MED12L: variants seen among roughly 807,000 people sequenced by gnomAD.
The protein encoded by MED12L is mediator of RNA polymerase II transcription subunit 12-like protein.
Under a neutral mutation model 281.3 loss-of-function variants are expected in MED12L, and 60 were observed. That is an observed-to-expected ratio of 0.21 (90% CI 0.17 to 0.26). The LOEUF is 0.26. MED12L is among the 10% of genes least tolerant of loss of function. The probability of loss-of-function intolerance (pLI) is 1.00; values close to 1 mark genes in which losing one functional copy is unlikely to be tolerated. For missense variants in MED12L, 2,146 were observed against 2,680.9 expected (o/e 0.80, Z 4.41); for synonymous variants, 974 against 987.2 (o/e 0.99, Z 0.25).
In MED12L at chr3:151,328,723, G is replaced by C. The variant is rs763699238; in HGVS notation, c.2251-21336G>C. The C allele has an allele frequency of 5.6e-6, 9 of 1,613,892 alleles. No individual in the cohort carries two copies. The South Asian group carries it at 9.9e-5, about 18-fold the overall frequency. ...AAGAAAAACGACACACAAAAGCTCT[G>C]AGCTGCCAGGGTGCCAGGTGTGAGT... is the stretch of plus-strand genomic sequence containing the variant. On this transcript the variant is annotated intron_variant, in intron 16 of 44. Transcript: ENST00000687756.
At chr3:151,135,615 C>A (rs1198268288) in intron 5 of MED12L, among the ~76,000 whole-genome samples, 2 of 152,206 alleles carry the variant, frequency 1.3e-5, no homozygotes, top group Admixed American at 1.3e-4. Context: ...GCACCTGCCA[C>A]TAGAGTGCCT....
chr3:151,278,280 T>G (rs1467677091), intron 16 of MED12L: 8 of 152,248 alleles, frequency 5.3e-5, no homozygotes, highest in African/African-American at 1.9e-4. Flanking sequence ...AAAAGCTGTT[T>G]TCTTACCTGC....
chr3:151,429,140 C>G (rs1338504335), intron 43 of MED12L, among the ~76,000 whole-genome samples: 1 of 152,216 alleles, frequency 6.6e-6, no homozygotes, highest in Non-Finnish European at 1.5e-5. Flanking sequence ...GGGAGGCTAC[C>G]TGACAGGAGC....
intron 33 of MED12L, among the ~76,000 whole-genome samples, chr3:151,383,109 T>C (rs1034786329): frequency 6.6e-6 from 1 of 152,246 alleles, no homozygotes; most frequent in Admixed American, 6.5e-5. Context: ...AACTCAAAGT[T>C]TTGTCCAACT....
At chr3:151,294,603 ACAAG>A (rs1744807038) in intron 16 of MED12L, 1 of 1,614,070 alleles carries the variant, frequency 6.2e-7, no homozygotes, top group African/African-American at 1.3e-5. Flanking sequence ...ACGGCCACAA[ACAAG>A]CAGCTGTTCA....
In MED12L at chr3:151,111,797, G is replaced by A. The variant is rs148269306; in HGVS notation, c.100-4541G>A. ...AAAGATAAAAGCTATCCCTCTGGTG[G>A]GTCTGTGGCTCTCACTGGAAGTGCT... is the stretch of plus-strand genomic sequence containing the variant. On this transcript the variant is annotated intron_variant, in intron 2 of 44. Transcript: ENST00000687756. Among the ~76,000 whole-genome samples, 242 of 152,280 alleles carry A rather than the reference G, an allele frequency of 1.6e-3. 1 individual carries two copies. Among genetic ancestry groups the A allele is most frequent in the African/African-American group, 5.3e-3 (219 of 41,560 alleles).
chr3:151,300,044 T>G (rs1745685902), intron 16 of MED12L: 2 of 1,537,064 alleles, frequency 1.3e-6, no homozygotes, highest in South Asian at 2.2e-5. Flanking sequence ...AAGATTTTCT[T>G]TGTATCTCTT....
At chr3:151,186,722 C>T (rs1348372267) in intron 12 of MED12L, among the ~76,000 whole-genome samples, 10 of 152,114 alleles carry the variant, frequency 6.6e-5, no homozygotes, top group South Asian at 2.1e-4. Flanking sequence ...AAGTTAACAG[C>T]GTTCTACCCC....
intron 17 of MED12L, among the ~76,000 whole-genome samples, chr3:151,354,811 G>A (rs1243729919): frequency 2.0e-5 from 3 of 152,170 alleles, no homozygotes; most frequent in African/African-American, 7.2e-5. Context: ...GATGCCAGAT[G>A]TGGAAAGCAT....
chr3:151,357,867 G>A (rs564151760), intron 20 of MED12L, among the ~76,000 whole-genome samples: 2 of 152,114 alleles, frequency 1.3e-5, no homozygotes, highest in Non-Finnish European at 1.5e-5. Flanking sequence ...TCAGTTGTAG[G>A]CTGGGGCTTA....
intron 16 of MED12L, among the ~76,000 whole-genome samples, chr3:151,344,002 T>C (rs1752229932): frequency 6.6e-6 from 1 of 152,182 alleles, no homozygotes; most frequent in African/African-American, 2.4e-5. Flanking sequence ...TCATGTCTGC[T>C]AGCTTGGCTT....
At chr3:151,337,680 C>G in intron 16 of MED12L, 2 of 859,808 alleles carry the variant, frequency 2.3e-6, no homozygotes, top group South Asian at 1.8e-5. Flanking sequence ...ATGAAAATTG[C>G]TTTTGTAATC....
intron 9 of MED12L, 30 bp downstream of exon 9, chr3:151,164,072 C>T: frequency 3.7e-6 from 6 of 1,606,032 alleles, no homozygotes; most frequent in Non-Finnish European, 5.1e-6. Context: ...GATTTGATGG[C>T]TGTTTTCATT....
intron 5 of MED12L, among the ~76,000 whole-genome samples, chr3:151,144,365 G>A (rs768005499): frequency 3.3e-5 from 5 of 152,172 alleles, no homozygotes; most frequent in Non-Finnish European, 5.9e-5. Flanking sequence ...CAAGAAAGGT[G>A]TCCAGTGTGG....
chr3:151,246,777 A>C (rs1328700639), intron 16 of MED12L, among the ~76,000 whole-genome samples: 1 of 152,234 alleles, frequency 6.6e-6, no homozygotes, highest in Non-Finnish European at 1.5e-5. Context: ...AATGGGATCT[A>C]ATTAAACTAA....
At chr3:151,406,319 CAACTAATTG>C (rs1272340106) in intron 39 of MED12L, among the ~76,000 whole-genome samples, 3 of 152,168 alleles carry the variant, frequency 2.0e-5, no homozygotes, top group Non-Finnish European at 2.9e-5. Flanking sequence ...ATTCTGTTCT[CAACTAATTG>C]AACTGTTTCT....
intron 16 of MED12L, chr3:151,336,839 A>G (rs576692233): frequency 5.7e-4 from 116 of 202,444 alleles, no homozygotes; most frequent in African/African-American, 2.6e-3. Flanking sequence ...AATTTACAAC[A>G]AAGAATGATT....
intron 32 of MED12L, among the ~76,000 whole-genome samples, chr3:151,382,177 C>T (rs138917295): frequency 3.9e-5 from 6 of 152,084 alleles, no homozygotes; most frequent in South Asian, 2.1e-4. Flanking sequence ...TTCAAAGTAC[C>T]GTGCGTTCTC....
intron 16 of MED12L, among the ~76,000 whole-genome samples, chr3:151,266,583 T>C (rs1739874998): frequency 1.3e-5 from 2 of 152,208 alleles, no homozygotes; most frequent in Admixed American, 1.3e-4. Context: ...GGGGTTGCTG[T>C]CTTATTTTCC....
Sources: gnomAD v4.1 joint callset for allele counts (sites outside exome capture counted in the v4.1 genomes callset) on GRCh38, gnomAD v4.1.1 for gene constraint, MANE v1.5 for transcripts, NCBI Gene and HGNC (gene_info 2026-07-23, HGNC 2026-07-21) for gene names.